The following ZAR1L variants were observed in gnomAD, a reference collection of about 807,000 sequenced individuals.
ZAR1L encodes the protein protein ZAR1-like.
In ZAR1L, 16 loss-of-function variants were observed where a neutral mutation model predicts 30.0. The ratio of observed to expected loss-of-function variants is 0.53; its 90% CI spans 0.36 to 0.81. The LOEUF is 0.81. Ranked by LOEUF, ZAR1L falls within the 30% of genes least tolerant of loss-of-function variation. The probability of loss-of-function intolerance (pLI) is 0.00; values close to 1 mark genes in which losing one functional copy is unlikely to be tolerated. For missense variants in ZAR1L, 392 were observed against 417.2 expected (o/e 0.94, Z 0.53); for synonymous variants, 197 against 166.8 (o/e 1.18, Z -1.40).
Position 32,311,979 on chromosome 13 carries a change from C to A in ZAR1L, c.-54G>T. 1 of 1,467,246 alleles carries A rather than the reference C, an allele frequency of 6.8e-7. No homozygotes were observed. The highest frequency in any genetic ancestry group is 9.1e-7 in the Non-Finnish European group (1 of 1,104,794). 90.9% of individuals were successfully genotyped at this position (1,467,246 alleles called of 1,614,324 possible). A position where few individuals can be genotyped will look rare whatever the true frequency, so the allele number is the denominator to read the frequency against. On this transcript the variant is annotated 5_prime_UTR_variant, in exon 3 of 6. It adds an upstream start codon to the 5' untranslated region. Coordinates refer to ENST00000533490, the MANE Select transcript of ZAR1L (RefSeq NM_001136571.2). Reference sequence around the variant, plus strand: ...ATATCCTAGCCAGTTTGTTTGGGTCCTTATTTTGCCTTCCTCCTTCATCCG... The same window carrying A: ...ATATCCTAGCCAGTTTGTTTGGGTCATTATTTTGCCTTCCTCCTTCATCCG...
chr13:32,306,613 A>T (rs1384442970), intron 5 of ZAR1L, among the ~76,000 whole-genome samples: 1 of 152,204 alleles, frequency 6.6e-6, no homozygotes, highest in African/African-American at 2.4e-5. Flanking sequence ...AATTCTATAT[A>T]TACCCAGCGA....
At chr13:32,311,249 A>G (rs771041609) in intron 3 of ZAR1L, 23 bp downstream of exon 3, 5 of 1,530,782 alleles carry the variant, frequency 3.3e-6, no homozygotes, top group South Asian at 1.2e-5. Context: ...TCGAGGACTA[A>G]GAAGAGGGAA....
chr13:32,303,934 C>G lies in ZAR1L; in HGVS notation c.911G>C (p.Cys304Ser). The G allele has an allele frequency of 1.3e-6, 2 of 1,551,870 alleles. No individual in the cohort carries two copies. The highest frequency in any genetic ancestry group is 1.7e-6 in the Non-Finnish European group (2 of 1,147,034). ...RPHRQELCGRCKDKRFSCGNI... is the reference protein window; with the variant it reads ...RPHRQELCGRSKDKRFSCGNI... ...GCCACAGGAGAATCTCTTGTCTTTG[C>G]AGCGACCACACAGTTCCTGTCGATG... The change falls in exon 6 of 6, where the codon TGC (cysteine) becomes TCC (serine). Residue 304 changes from cysteine to serine, a missense_variant. Cys to Ser is a moderately radical substitution (Grantham distance 112). Coordinates refer to ENST00000533490, the MANE Select transcript of ZAR1L (RefSeq NM_001136571.2).
chr13:32,307,241 C>T (rs1445866021), intron 5 of ZAR1L, among the ~76,000 whole-genome samples: 12 of 152,070 alleles, frequency 7.9e-5, no homozygotes, highest in South Asian at 4.2e-4. Flanking sequence ...CAGTGGCTTA[C>T]GCCTGTAATC....
At position 32,311,495 on chromosome 13, in the gene ZAR1L, C is replaced by T. The variant is rs1428722871; in HGVS notation, c.431G>A (p.Arg144His). 1.6e-5 allele frequency: 25 copies of T among 1,541,446 alleles called. No individual in the cohort carries two copies. In the Admixed American group the frequency reaches 2.2e-4, roughly 13 times the overall value. Residue 144 changes from arginine (R) to histidine (H), a missense_variant, in exon 3 of 6, where the codon CGC becomes CAC. Arg to His is a conservative substitution (Grantham distance 29, BLOSUM62 0). Transcript: ENST00000533490. ...CGCTTCGTCCCCATCTCTCCGCAGG[C>T]GGATCAAGCCCCTGCGGCCGGTGGC... ...SPATGRRGLIRLRRDGDEAES... is the reference protein window; with the variant it reads ...SPATGRRGLIHLRRDGDEAES...
At position 32,310,740 on chromosome 13, in the gene ZAR1L, AAAG is replaced by A. The variant is rs1566211196; in HGVS notation, c.655-12_655-10del. The A allele has an allele frequency of 1.3e-6, 2 of 1,525,736 alleles. No homozygotes were observed. Among genetic ancestry groups the A allele is most frequent in the Non-Finnish European group, 1.8e-6 (2 of 1,123,356 alleles). 94.5% of individuals were successfully genotyped at this position (1,525,736 alleles called of 1,614,324 possible). On this transcript the variant is annotated splice_polypyrimidine_tract_variant and intron_variant, in intron 3 of 5. Transcript: ENST00000533490. Reference sequence around the variant, plus strand: ...TATTTTGGTTCCAAAAACTGAAAATAAAGAAGAAAAGTACTTTACCATCATGCA... The same window carrying A: ...TATTTTGGTTCCAAAAACTGAAAATAAAGAAAAGTACTTTACCATCATGCA...
At chr13:32,307,622 T>C (rs890208698) in intron 5 of ZAR1L, among the ~76,000 whole-genome samples, 12 of 149,668 alleles carry the variant, frequency 8.0e-5, no homozygotes, top group East Asian at 1.9e-4. Context: ...GAAAGGAATA[T>C]TGAATATTAA....
At position 32,311,352 on chromosome 13, in the gene ZAR1L, C is replaced by G. The variant is rs563532945; in HGVS notation, c.574G>C (p.Ala192Pro). 6.4e-7 allele frequency: 1 copy of G among 1,550,776 alleles called. No homozygotes were observed. The change falls in exon 3 of 6, where the codon GCC (alanine) becomes CCC (proline). Residue 192 changes from alanine to proline, a missense_variant. Physicochemically the swap from Ala to Pro is conservative, Grantham distance 27 (BLOSUM62 -1). Transcript: ENST00000533490. The part of the protein sequence containing the change: ...GQLEESGEKD[A>P]PCPQETKSKQ... ...CTCTTCGTCTCCTGAGGGCACGGGGCGTCTTTCTCCCCCGATTCCTCCAGC... is the reference window on the plus strand; with the variant it reads ...CTCTTCGTCTCCTGAGGGCACGGGGGGTCTTTCTCCCCCGATTCCTCCAGC...
At chr13:32,307,596 A>G (rs1019960448) in intron 5 of ZAR1L, among the ~76,000 whole-genome samples, 4 of 151,676 alleles carry the variant, frequency 2.6e-5, no homozygotes, top group African/African-American at 9.7e-5. Context: ...CATCAAAAGG[A>G]CATTAAAAAA....
At chr13:32,305,225 C>CA (rs1555278973) in intron 5 of ZAR1L, among the ~76,000 whole-genome samples, 1 of 146,638 alleles carries the variant, frequency 6.8e-6, no homozygotes, top group South Asian at 2.2e-4. Context: ...GAGAAAATTC[C>CA]TTTTTTTTTT....
At chr13:32,311,180 G>T in intron 3 of ZAR1L, 92 bp downstream of exon 3, 1 of 1,338,286 alleles carries the variant, frequency 7.5e-7, no homozygotes, top group South Asian at 1.5e-5. Context: ...GAAGAAGAGA[G>T]AGAAGATTTT....
At position 32,311,342 on chromosome 13, in the gene ZAR1L, G is replaced by C; in HGVS notation, c.584C>G (p.Pro195Arg). Residue 195 changes from proline (P) to arginine (R), a missense_variant, in exon 3 of 6, where the codon CCT (proline) becomes CGT (arginine). By Grantham distance (103) the Pro-to-Arg change is moderately radical. Coordinates refer to ENST00000533490, the MANE Select transcript of ZAR1L (RefSeq NM_001136571.2). ...CACCTGCTTGCTCTTCGTCTCCTGA[G>C]GGCACGGGGCGTCTTTCTCCCCCGA... ...EESGEKDAPC[P>R]QETKSKQVPG... 1 of 1,551,050 alleles carries C rather than the reference G, an allele frequency of 6.4e-7. No individual in the cohort carries two copies. Among genetic ancestry groups the C allele is most frequent in the Non-Finnish European group, 8.7e-7 (1 of 1,146,984 alleles).
Position 32,311,618 on chromosome 13 carries a change from A to G in ZAR1L, c.308T>C (p.Val103Ala). ...GGTGCGAGGCCCCAGAGAGCACTGC[A>G]CAGCCTTGTCCACCCGCGGGCTCAC... ...VQVSPRVDKA[V>A]QCSLGPRTLS... Residue 103 changes from valine (V) to alanine (A), a missense_variant, in exon 3 of 6, where the codon GTG (valine) becomes GCG (alanine). Val to Ala is a moderately conservative substitution (Grantham distance 64, BLOSUM62 0). Coordinates refer to ENST00000533490, the MANE Select transcript of ZAR1L (RefSeq NM_001136571.2). The G allele has an allele frequency of 6.4e-7, 1 of 1,550,768 alleles. No homozygotes were observed. The highest frequency in any genetic ancestry group is 1.7e-4 in the Middle Eastern group (1 of 5,962).
At chr13:32,306,272 G>GTCTA (rs1388496494) in intron 5 of ZAR1L, among the ~76,000 whole-genome samples, 4 of 152,142 alleles carry the variant, frequency 2.6e-5, no homozygotes, top group Non-Finnish European at 4.4e-5. Context: ...TGGTGCAAAG[G>GTCTA]TCTAGTATGA....
intron 4 of ZAR1L, 142 bp downstream of exon 4, chr13:32,310,497 C>T: frequency 1.6e-6 from 1 of 642,066 alleles, no homozygotes; most frequent in Non-Finnish European, 2.8e-6. Flanking sequence ...TCACTGAGCA[C>T]TTCCTGTACA....
chr13:32,308,561 A>G (rs765055953), intron 5 of ZAR1L, 125 bp downstream of exon 5: 10 of 658,448 alleles, frequency 1.5e-5, no homozygotes, highest in Non-Finnish European at 2.6e-5. Flanking sequence ...TCTAAAATGT[A>G]ACATCTCAAA....
At chr13:32,309,177 A>G (rs1187030217) in intron 4 of ZAR1L, among the ~76,000 whole-genome samples, 1 of 151,982 alleles carries the variant, frequency 6.6e-6, no homozygotes, top group Non-Finnish European at 1.5e-5. Flanking sequence ...TTTTTAGTAG[A>G]GACTGGGTTT....
chr13:32,307,353 G>T (rs2072182992), intron 5 of ZAR1L, among the ~76,000 whole-genome samples: 1 of 151,766 alleles, frequency 6.6e-6, no homozygotes, highest in Non-Finnish European at 1.5e-5. Flanking sequence ...ACAAAAATTA[G>T]CCAGGCATGG....
intron 4 of ZAR1L, among the ~76,000 whole-genome samples, chr13:32,310,015 G>T (rs1169396662): frequency 6.6e-6 from 1 of 152,182 alleles, no homozygotes; most frequent in African/African-American, 2.4e-5. Flanking sequence ...AATAACATCG[G>T]GCCACGTAGA....
Sources: allele counts gnomAD v4.1 joint callset (sites outside exome capture counted in the v4.1 genomes callset), GRCh38; gene constraint gnomAD v4.1.1; transcripts MANE v1.5; gene names NCBI Gene and HGNC (gene_info 2026-07-23, HGNC 2026-07-21).